AFF3: variants seen among roughly 807,000 people sequenced by gnomAD.
AFF3 encodes the protein AF4/FMR2 family member 3.
In AFF3, 32 loss-of-function variants were observed where a neutral mutation model predicts 129.7. That is an observed-to-expected ratio of 0.25 (90% CI 0.19 to 0.33). The LOEUF (loss-of-function observed/expected upper bound fraction) is 0.33. Among genes scored for constraint, AFF3 ranks in the 10% least tolerant of loss-of-function variants. The probability of loss-of-function intolerance (pLI) is 1.00; values close to 1 mark genes in which losing one functional copy is unlikely to be tolerated. For missense variants in AFF3, 1,373 were observed against 1,592.0 expected (o/e 0.86, Z 2.34); for synonymous variants, 644 against 635.4 (o/e 1.01, Z -0.20).
intron 10 of AFF3, among the ~76,000 whole-genome samples, chr2:99,732,244 A>T (rs777283535): frequency 2.4e-4 from 37 of 151,388 alleles, no homozygotes; most frequent in Admixed American, 4.0e-4. Flanking sequence ...AGTCCTAGCT[A>T]CTCGGGAGGC....
At chr2:99,647,007 C>T (rs1221741797) in intron 13 of AFF3, among the ~76,000 whole-genome samples, 2 of 152,162 alleles carry the variant, frequency 1.3e-5, no homozygotes, top group African/African-American at 4.8e-5. Context: ...ACAACAGATG[C>T]TGGAGAGCCT....
chr2:99,932,887 T>C (rs1340662880), intron 7 of AFF3, among the ~76,000 whole-genome samples: 2 of 152,236 alleles, frequency 1.3e-5, no homozygotes, highest in Non-Finnish European at 2.9e-5. Context: ...TTGTGCTACA[T>C]AGATCTTCTT....
At chr2:100,132,543 T>A (rs1050249780) in intron 1 of AFF3, among the ~76,000 whole-genome samples, 1 of 152,178 alleles carries the variant, frequency 6.6e-6, no homozygotes, top group Non-Finnish European at 1.5e-5. Flanking sequence ...TTAGAAAAGT[T>A]TCTTGAAAAA....
intron 8 of AFF3, among the ~76,000 whole-genome samples, chr2:99,781,537 A>G (rs1406184097): frequency 1.3e-5 from 2 of 152,240 alleles, no homozygotes; most frequent in Non-Finnish European, 2.9e-5. Flanking sequence ...ACTGGAACAC[A>G]GCCACACCAC....
intron 16 of AFF3, among the ~76,000 whole-genome samples, chr2:99,585,718 ATTTTCTTTTTTTCTTTTTC>A (rs1482549423): frequency 1.3e-5 from 2 of 151,924 alleles, no homozygotes; most frequent in African/African-American, 2.4e-5. Context: ...AATCACAGCT[ATTTTCTTTTTTTCTTTTTC>A]TTTTCTTTTT....
chr2:99,921,347 T>G (rs540930655), intron 7 of AFF3, among the ~76,000 whole-genome samples: 1 of 152,134 alleles, frequency 6.6e-6, no homozygotes, highest in Non-Finnish European at 1.5e-5. Context: ...AAGGGAAGAC[T>G]GAGGAACTAC....
At chr2:99,830,683 C>T (rs1229703567) in intron 8 of AFF3, among the ~76,000 whole-genome samples, 7 of 151,926 alleles carry the variant, frequency 4.6e-5, no homozygotes, top group African/African-American at 7.3e-5. Flanking sequence ...CCAAGGAGGC[C>T]GAGATTGTGC....
chr2:99,770,894 G>A (rs529256263), intron 8 of AFF3, among the ~76,000 whole-genome samples: 1 of 152,266 alleles, frequency 6.6e-6, no homozygotes, highest in East Asian at 1.9e-4. Context: ...TGCCCCTCCT[G>A]TCCTTAAGCA....
intron 8 of AFF3, among the ~76,000 whole-genome samples, chr2:99,757,774 A>G (rs993088508): frequency 1.3e-5 from 2 of 151,962 alleles, no homozygotes; most frequent in Non-Finnish European, 2.9e-5. Context: ...CCAACCTCCT[A>G]TTGTTTGCTG....
chr2:100,030,995 T>C (rs1684444084), intron 4 of AFF3, among the ~76,000 whole-genome samples: 3 of 152,210 alleles, frequency 2.0e-5, no homozygotes, highest in Non-Finnish European at 4.4e-5. Context: ...TTCAGGAGAT[T>C]AGGGAAATCC....
chr2:99,825,698 T>C (rs1297979431), intron 8 of AFF3, among the ~76,000 whole-genome samples: 1 of 152,222 alleles, frequency 6.6e-6, no homozygotes, highest in Non-Finnish European at 1.5e-5. Context: ...TCATGAAAGA[T>C]ACTCAGGATA....
intron 18 of AFF3, among the ~76,000 whole-genome samples, chr2:99,573,218 G>A (rs939582612): frequency 9.2e-5 from 14 of 152,044 alleles, no homozygotes; most frequent in African/African-American, 1.4e-4. Context: ...CCTTGTCTCC[G>A]CACCCTGTCC....
chr2:99,568,453 C>T (rs1488779934), intron 19 of AFF3, among the ~76,000 whole-genome samples: 3 of 152,152 alleles, frequency 2.0e-5, no homozygotes, highest in Non-Finnish European at 4.4e-5. Context: ...TCGGCAGATA[C>T]ATGTGAAGAA....
intron 11 of AFF3, among the ~76,000 whole-genome samples, chr2:99,683,701 A>G (rs1276355006): frequency 6.6e-6 from 1 of 152,196 alleles, no homozygotes; most frequent in African/African-American, 2.4e-5. Flanking sequence ...TCAGCCTCCC[A>G]AAGTGCTGGG....
chr2:100,130,888 A>G (rs1000330446), intron 1 of AFF3, among the ~76,000 whole-genome samples: 1 of 152,186 alleles, frequency 6.6e-6, no homozygotes, highest in Admixed American at 6.5e-5. Flanking sequence ...CTCACTCTTC[A>G]TTTCCAAACA....
At chr2:100,024,805 T>G (rs1683905327) in intron 4 of AFF3, among the ~76,000 whole-genome samples, 1 of 152,044 alleles carries the variant, frequency 6.6e-6, no homozygotes, top group Non-Finnish European at 1.5e-5. Context: ...GTGAAAAGAA[T>G]AATTTGTAGA....
rs537520674 is a variant in AFF3, at chr2:99,657,668, A to G, written c.1144-8002T>C. Among the ~76,000 whole-genome samples, 4 of 152,282 alleles carry G rather than the reference A, an allele frequency of 2.6e-5. No individual in the cohort carries two copies. The East Asian group carries it at 7.7e-4, about 29-fold the overall frequency. ...TTGCTTTATTTAAATACTTGGACAC[A>G]TTTTCCTCTTTGAAAAATATTTGAC... On this transcript the variant is annotated intron_variant, in intron 12 of 24. Transcript: ENST00000672756.
chr2:100,095,788 T>C (rs1469029514), intron 4 of AFF3, among the ~76,000 whole-genome samples: 1 of 152,236 alleles, frequency 6.6e-6, no homozygotes, highest in African/African-American at 2.4e-5. Context: ...CCTTGCATTA[T>C]CCATCCTATA....
At chr2:99,572,825 T>G (rs1263045202) in intron 18 of AFF3, among the ~76,000 whole-genome samples, 10 of 152,258 alleles carry the variant, frequency 6.6e-5, no homozygotes, top group Admixed American at 6.5e-4. Flanking sequence ...ATGCTGGCAC[T>G]GCCTTTATAG....
Sources: gnomAD v4.1 joint callset for allele counts (sites outside exome capture counted in the v4.1 genomes callset) on GRCh38, gnomAD v4.1.1 for gene constraint, MANE v1.5 for transcripts, NCBI Gene and HGNC (gene_info 2026-07-23, HGNC 2026-07-21) for gene names.